AUTS2: variants seen among roughly 807,000 people sequenced by gnomAD.
The protein encoded by AUTS2 is autism susceptibility gene 2 protein.
Under a neutral mutation model 112.4 loss-of-function variants are expected in AUTS2, and 17 were observed. The observed-to-expected ratio is 0.15, with a 90% confidence interval of 0.10 to 0.23. The LOEUF is 0.23. Among genes scored for constraint, AUTS2 ranks in the 10% least tolerant of loss-of-function variants. The pLI is 1.00. For missense variants in AUTS2, 1,510 were observed against 1,701.6 expected (o/e 0.89, Z 1.98); for synonymous variants, 751 against 702.7 (o/e 1.07, Z -1.09).
chr7:70,227,635 A>G (rs1046122635), intron 4 of AUTS2, among the ~76,000 whole-genome samples: 4 of 151,980 alleles, frequency 2.6e-5, no homozygotes, highest in African/African-American at 7.2e-5. Context: ...TGTATATTCT[A>G]TTTTTATTTC....
At chr7:70,346,185 GTT>G (rs1173225933) in intron 4 of AUTS2, among the ~76,000 whole-genome samples, 2 of 152,146 alleles carry the variant, frequency 1.3e-5, no homozygotes, top group Non-Finnish European at 2.9e-5. Flanking sequence ...AAATCTACGT[GTT>G]TTTTGACATA....
intron 5 of AUTS2, among the ~76,000 whole-genome samples, chr7:70,637,284 C>G (rs1388636319): frequency 1.3e-5 from 2 of 152,172 alleles, no homozygotes; most frequent in Non-Finnish European, 2.9e-5. Flanking sequence ...TGATGTGGGG[C>G]TCGGCCACTG....
intron 4 of AUTS2, among the ~76,000 whole-genome samples, chr7:70,355,762 C>T (rs1019373840): frequency 2.6e-5 from 4 of 152,112 alleles, no homozygotes; most frequent in Non-Finnish European, 5.9e-5. Context: ...ATATATGACA[C>T]TAATATAGGG....
intron 6 of AUTS2, among the ~76,000 whole-genome samples, chr7:70,734,225 G>A (rs1787639813): frequency 6.6e-6 from 1 of 151,958 alleles, no homozygotes; most frequent in Non-Finnish European, 1.5e-5. Context: ...GGATCACGAG[G>A]TCAGGAGATC....
chr7:69,867,743 A>G lies in AUTS2; in HGVS notation c.310-31543A>G, dbSNP rs138918095. 6.5e-3 allele frequency among the ~76,000 whole-genome samples: 986 copies of G among 152,088 alleles called. 8 individuals are homozygous for G. Among genetic ancestry groups the G allele is most frequent in the Non-Finnish European group, 9.1e-3 (616 of 67,992 alleles). ...TCCTTTGTTTTTAACTAAGCTCGTT[A>G]CCTTCACCCTGGTTTCATAATGTGT... On this transcript the variant is annotated intron_variant, in intron 1 of 18. Coordinates refer to ENST00000342771, the MANE Select transcript of AUTS2 (RefSeq NM_015570.4).
At chr7:69,671,486 GGTGTGTGTGTGTGT>G (rs201047003) in intron 1 of AUTS2, among the ~76,000 whole-genome samples, 37 of 138,616 alleles carry the variant, frequency 2.7e-4, no homozygotes, top group African/African-American at 9.4e-4. Context: ...TGCTGCTGCT[GGTGTGTGTGTGTGT>G]GTGTGTGTGT....
rs376207922 is a variant in AUTS2, at chr7:69,822,292, T to C, written c.310-76994T>C. On this transcript the variant is annotated intron_variant, in intron 1 of 18. Transcript: ENST00000342771. ...CACAGAGATTGATTTTTATAGAAGG[T>C]CCAAAGGATATGTAGCTTGGAGACA... is the stretch of plus-strand genomic sequence containing the variant. 2.7e-3 allele frequency among the ~76,000 whole-genome samples: 408 copies of C among 152,262 alleles called. 4 individuals carry two copies. The highest frequency in any genetic ancestry group is 9.3e-3 in the African/African-American group (388 of 41,548).
chr7:69,894,252 G>GTTT (rs370966756), intron 1 of AUTS2, among the ~76,000 whole-genome samples: 677 of 36,656 alleles, frequency 0.018, 113 homozygotes, highest in South Asian at 0.055. Flanking sequence ...GCCTTAAAGC[G>GTTT]TTTTTTTTTT....
intron 3 of AUTS2, among the ~76,000 whole-genome samples, chr7:70,122,893 G>A (rs947782980): frequency 6.0e-5 from 7 of 117,580 alleles, no homozygotes; most frequent in African/African-American, 1.9e-4. Context: ...TTTTTTCCGT[G>A]ACACGGAGTT....
intron 1 of AUTS2, among the ~76,000 whole-genome samples, chr7:69,633,131 T>C (rs1794347003): frequency 6.6e-6 from 1 of 152,176 alleles, no homozygotes; most frequent in African/African-American, 2.4e-5. Flanking sequence ...TTGTTCTCTG[T>C]CTCTGAATAT....
At chr7:70,643,279 G>A (rs1294286427) in intron 5 of AUTS2, among the ~76,000 whole-genome samples, 1 of 152,198 alleles carries the variant, frequency 6.6e-6, no homozygotes, top group African/African-American at 2.4e-5. Flanking sequence ...CATTAAAAAT[G>A]TGCCTAATCT....
intron 5 of AUTS2, among the ~76,000 whole-genome samples, chr7:70,621,465 A>C (rs1012119360): frequency 1.1e-4 from 16 of 152,192 alleles, no homozygotes; most frequent in African/African-American, 3.4e-4. Flanking sequence ...TATTTCCAGC[A>C]ACTTTCGCCT....
intron 5 of AUTS2, among the ~76,000 whole-genome samples, chr7:70,626,212 C>CA: frequency 6.6e-6 from 1 of 150,532 alleles, no homozygotes; most frequent in Non-Finnish European, 1.5e-5. Context: ...CATGCCTGCT[C>CA]TGAAGATCTT....
intron 5 of AUTS2, among the ~76,000 whole-genome samples, chr7:70,634,164 T>C (rs1192338001): frequency 6.6e-6 from 1 of 152,138 alleles, no homozygotes; most frequent in African/African-American, 2.4e-5. Context: ...GGAGAATTAA[T>C]GAGTAAAATG....
chr7:70,751,701 A>T (rs1175957750), intron 6 of AUTS2, among the ~76,000 whole-genome samples: 1 of 152,082 alleles, frequency 6.6e-6, no homozygotes, highest in African/African-American at 2.4e-5. Flanking sequence ...CAGACACAGA[A>T]GTACCGTGTT....
rs142044436 is a variant in AUTS2, at chr7:69,861,353, T to C, written c.310-37933T>C. 7.3e-3 allele frequency among the ~76,000 whole-genome samples: 1,113 copies of C among 152,196 alleles called. 17 individuals carry two copies. The highest frequency in any genetic ancestry group is 0.025 in the African/African-American group (1,038 of 41,524). The stretch of plus-strand genomic sequence containing the variant: ...GAAAATAGGGAGGATGCCATTCTCT[T>C]TTTGGAGGGACATGGTGCTCCCGTC... On this transcript the variant is annotated intron_variant, in intron 1 of 18. Coordinates refer to ENST00000342771, the MANE Select transcript of AUTS2 (RefSeq NM_015570.4).
At chr7:70,580,084 G>A (rs1188787390) in intron 5 of AUTS2, among the ~76,000 whole-genome samples, 3 of 152,072 alleles carry the variant, frequency 2.0e-5, no homozygotes, top group Admixed American at 1.3e-4. Flanking sequence ...GCCTTCGAAC[G>A]TAACCAGCAC....
intron 5 of AUTS2, among the ~76,000 whole-genome samples, chr7:70,476,986 T>C (rs1269191986): frequency 6.6e-6 from 1 of 152,208 alleles, no homozygotes; most frequent in Non-Finnish European, 1.5e-5. Context: ...TCAGTGAGGA[T>C]GCCAGGTCTT....
chr7:69,689,683 TA>T, intron 1 of AUTS2, among the ~76,000 whole-genome samples: 1 of 91,456 alleles, frequency 1.1e-5, no homozygotes, highest in Non-Finnish European at 2.0e-5. Flanking sequence ...TTTATTTATT[TA>T]TTTATTTATT....
Sources: allele counts gnomAD v4.1 joint callset (sites outside exome capture counted in the v4.1 genomes callset), GRCh38; gene constraint gnomAD v4.1.1; transcripts MANE v1.5; gene names NCBI Gene and HGNC (gene_info 2026-07-23, HGNC 2026-07-21).